SPPL3: variants seen among roughly 807,000 people sequenced by gnomAD.
The protein encoded by SPPL3 is signal peptide peptidase-like 3.
Under a neutral mutation model 42.4 loss-of-function variants are expected in SPPL3, and 5 were observed. The observed-to-expected ratio is 0.12, with a 90% CI of 0.06 to 0.25. The LOEUF (loss-of-function observed/expected upper bound fraction) is 0.25. Among genes scored for constraint, SPPL3 ranks in the 10% least tolerant of loss-of-function variants. The pLI is 1.00. For missense variants in SPPL3, 235 were observed against 489.0 expected (o/e 0.48, Z 4.90); for synonymous variants, 195 against 181.8 (o/e 1.07, Z -0.58).
At chr12:120,875,393 T>C (rs928226393) in intron 1 of SPPL3, among the ~76,000 whole-genome samples, 2 of 151,978 alleles carry the variant, frequency 1.3e-5, no homozygotes, top group African/African-American at 2.4e-5. Context: ...ACTAAAAATA[T>C]AAAACAAAGA....
chr12:120,872,260 G>A (rs116245298), intron 1 of SPPL3, among the ~76,000 whole-genome samples: 127 of 152,264 alleles, frequency 8.3e-4, no homozygotes, highest in African/African-American at 3.0e-3. Flanking sequence ...CTCTCAATTT[G>A]GAACATGAAG....
rs139530534 is a variant in SPPL3, at chr12:120,894,922, G to A, written c.23+8923C>T. Reference sequence around the variant, plus strand: ...AGATCGTGCCACCGCACTCCAGCCCGGGCAACAGAGTGAGAGTCCGTCTCA... The same window carrying A: ...AGATCGTGCCACCGCACTCCAGCCCAGGCAACAGAGTGAGAGTCCGTCTCA... On this transcript the variant is annotated intron_variant, in intron 1 of 10. Coordinates refer to ENST00000353487, the MANE Select transcript of SPPL3 (RefSeq NM_139015.5). 3.6e-3 allele frequency among the ~76,000 whole-genome samples: 547 copies of A among 149,942 alleles called. 3 individuals are homozygous for A. The highest frequency in any genetic ancestry group is 0.012 in the African/African-American group (500 of 41,312).
intron 1 of SPPL3, among the ~76,000 whole-genome samples, chr12:120,829,004 C>A (rs370820283): frequency 3.3e-5 from 5 of 152,210 alleles, no homozygotes; most frequent in South Asian, 4.1e-4. Flanking sequence ...CTCAAGTGAT[C>A]CTCCTGCCTC....
intron 1 of SPPL3, among the ~76,000 whole-genome samples, chr12:120,871,626 G>A (rs1050069110): frequency 6.6e-6 from 1 of 151,882 alleles, no homozygotes; most frequent in African/African-American, 2.4e-5. Flanking sequence ...GGTGGTGCAC[G>A]CCTGTAATCC....
intron 1 of SPPL3, among the ~76,000 whole-genome samples, 171 bp downstream of exon 1, chr12:120,903,674 C>T (rs867884747): frequency 6.6e-6 from 1 of 152,192 alleles, no homozygotes; most frequent in Non-Finnish European, 1.5e-5. Flanking sequence ...TCACCGCCCT[C>T]CGTGCGCGCC....
chr12:120,784,883 A>G (rs1324716929), intron 3 of SPPL3, among the ~76,000 whole-genome samples: 2 of 152,148 alleles, frequency 1.3e-5, no homozygotes, highest in Non-Finnish European at 2.9e-5. Context: ...CGAGAACATT[A>G]AGAGGTAGTA....
intron 1 of SPPL3, among the ~76,000 whole-genome samples, chr12:120,854,018 A>G (rs1592996889): frequency 6.9e-6 from 1 of 144,510 alleles, no homozygotes; most frequent in African/African-American, 2.6e-5. Flanking sequence ...ACACACACAC[A>G]CACACACGGG....
At chr12:120,856,211 C>T (rs1872451146) in intron 1 of SPPL3, among the ~76,000 whole-genome samples, 1 of 151,940 alleles carries the variant, frequency 6.6e-6, no homozygotes, top group African/African-American at 2.4e-5. Context: ...AGATTCCAGT[C>T]CCCTTGTGGC....
At chr12:120,809,628 T>A (rs572345680) in intron 2 of SPPL3, among the ~76,000 whole-genome samples, 2 of 152,298 alleles carry the variant, frequency 1.3e-5, no homozygotes, top group South Asian at 4.1e-4. Flanking sequence ...ACCATTAAAG[T>A]TCCTCTCGAC....
At chr12:120,765,535 C>G (rs922687339) in intron 10 of SPPL3, among the ~76,000 whole-genome samples, 3 of 152,204 alleles carry the variant, frequency 2.0e-5, no homozygotes, top group African/African-American at 7.2e-5. Context: ...GCCTCAGCCT[C>G]CCAAGGTGCG....
chr12:120,812,423 C>T (rs1458190517), intron 1 of SPPL3, among the ~76,000 whole-genome samples: 4 of 152,140 alleles, frequency 2.6e-5, no homozygotes, highest in African/African-American at 7.2e-5. Context: ...TGAGCCACTG[C>T]GCCTGGCCAG....
chr12:120,765,910 T>C (rs1462468056), intron 10 of SPPL3, among the ~76,000 whole-genome samples: 1 of 152,138 alleles, frequency 6.6e-6, no homozygotes, highest in Non-Finnish European at 1.5e-5. Flanking sequence ...AACTTTAACG[T>C]AGTGTTAAGC....
At chr12:120,820,235 C>T (rs1592978675) in intron 1 of SPPL3, among the ~76,000 whole-genome samples, 2 of 151,310 alleles carry the variant, frequency 1.3e-5, no homozygotes, top group South Asian at 4.2e-4. Context: ...GTATTCCATG[C>T]TTACAGAAAT....
intron 1 of SPPL3, among the ~76,000 whole-genome samples, chr12:120,875,518 A>G (rs774409244): frequency 2.0e-5 from 3 of 151,094 alleles, no homozygotes; most frequent in Non-Finnish European, 2.9e-5. Context: ...AATCCCAACT[A>G]CTCCAGAGGC....
At chr12:120,852,712 A>C (rs1405489557) in intron 1 of SPPL3, among the ~76,000 whole-genome samples, 22,533 of 37,514 alleles carry the variant, frequency 0.6, 9,953 homozygotes, top group East Asian at 0.92. Flanking sequence ...ACATATATGA[A>C]ATATATTTTA....
intron 1 of SPPL3, among the ~76,000 whole-genome samples, chr12:120,844,951 A>G (rs1871969709): frequency 6.6e-6 from 1 of 152,096 alleles, no homozygotes; most frequent in Non-Finnish European, 1.5e-5. Flanking sequence ...CATTGAATAA[A>G]AAGCCTGGCT....
At chr12:120,806,197 AT>A (rs35141421) in intron 2 of SPPL3, among the ~76,000 whole-genome samples, 32,127 of 144,238 alleles carry the variant, frequency 0.22, 4,756 homozygotes, top group African/African-American at 0.42. Flanking sequence ...TTTATGGTCG[AT>A]TTTTTTTTTT....
intron 2 of SPPL3, among the ~76,000 whole-genome samples, chr12:120,807,808 C>T (rs1870549431): frequency 6.6e-6 from 1 of 152,076 alleles, no homozygotes; most frequent in Admixed American, 6.6e-5. Flanking sequence ...CTGGTGAATC[C>T]TATCAAACAT....
Position 120,762,687 on chromosome 12 carries a change from A to C in SPPL3, c.*2312T>G, listed in dbSNP as rs1200963124. 2 of 148,108 alleles carry C rather than the reference A, an allele frequency of 1.4e-5. No homozygotes were observed. Among genetic ancestry groups the C allele is most frequent in the Admixed American group, 1.4e-4 (2 of 14,624 alleles). The allele number at this position is 148,108 out of a possible 1,614,324, so 9.2% of individuals were successfully genotyped here. On this transcript the variant is annotated 3_prime_UTR_variant, in exon 11 of 11. Transcript: ENST00000353487. ...CTGCTCACTGCAACCTCCGCCTTCC[A>C]GGTTCAAGCGATTCTTCTGCCTCAG...
Sources: allele counts gnomAD v4.1 joint callset (sites outside exome capture counted in the v4.1 genomes callset), GRCh38; gene constraint gnomAD v4.1.1; transcripts MANE v1.5; gene names NCBI Gene and HGNC (gene_info 2026-07-23, HGNC 2026-07-21).